Variants in JDP2 observed in about 807,000 individuals in gnomAD.
The protein encoded by JDP2 is Jun dimerization protein 2.
Under a neutral mutation model 17.1 loss-of-function variants are expected in JDP2, and 9 were observed. The ratio of observed to expected loss-of-function variants is 0.53; its 90% CI spans 0.32 to 0.92. JDP2 has a LOEUF of 0.92. Among genes scored for constraint, JDP2 ranks in the 40% least tolerant of loss-of-function variants. The pLI is 0.04. For synonymous variants in JDP2, 107 were observed against 95.6 expected, an observed-to-expected ratio of 1.12 and a Z score of -0.69; for missense variants, 179 against 220.0, an observed-to-expected ratio of 0.81 and a Z score of 1.18.
Position 75,457,523 on chromosome 14 carries a change from G to T in JDP2, c.202-3903G>T, listed in dbSNP as rs577732689. On this transcript the variant is annotated intron_variant, in intron 2 of 3. Transcript: ENST00000651602. ...TAAATAGCAGTGCGAGGATTTAGGGGTGATGCAGCACAGTTTCAATGGGGA... is the reference window on the plus strand; with the variant it reads ...TAAATAGCAGTGCGAGGATTTAGGGTTGATGCAGCACAGTTTCAATGGGGA... Among the ~76,000 whole-genome samples, 27 of 152,384 alleles carry T rather than the reference G, an allele frequency of 1.8e-4. No homozygotes were observed. The South Asian group carries it at 5.6e-3, about 32-fold the overall frequency.
intron 2 of JDP2, among the ~76,000 whole-genome samples, chr14:75,452,114 C>G (rs1005025653): frequency 6.6e-6 from 1 of 152,170 alleles, no homozygotes; most frequent in Non-Finnish European, 1.5e-5. Flanking sequence ...TTAGGGGGCA[C>G]CCTTCCTACA....
chr14:75,443,093 A>G (rs1180807134), intron 2 of JDP2, among the ~76,000 whole-genome samples: 1 of 152,028 alleles, frequency 6.6e-6, no homozygotes. Flanking sequence ...CCTGGAGAAC[A>G]TTGAGAGGGT....
intron 2 of JDP2, among the ~76,000 whole-genome samples, chr14:75,455,741 C>T (rs889405903): frequency 1.3e-5 from 2 of 152,142 alleles, no homozygotes; most frequent in African/African-American, 4.8e-5. Context: ...AGCCTCAGGC[C>T]GGAGGTGTTC....
In JDP2 at chr14:75,470,971, G is replaced by C. The variant is rs1886796469; in HGVS notation, c.*1496G>C. The C allele has an allele frequency of 6.6e-6, 1 of 152,176 alleles. No individual in the cohort carries two copies. Among genetic ancestry groups the C allele is most frequent in the Non-Finnish European group, 1.5e-5 (1 of 68,036 alleles). The allele number at this position is 152,176 out of a possible 1,614,324, so 9.4% of individuals were successfully genotyped here. ...TAGGCACGATTCTTCTCATTTTACAGATGGTTTAACTGAGGCTCAGAGAAG... is the reference window on the plus strand; with the variant it reads ...TAGGCACGATTCTTCTCATTTTACACATGGTTTAACTGAGGCTCAGAGAAG... On this transcript the variant is annotated 3_prime_UTR_variant, in exon 4 of 4. Coordinates refer to ENST00000651602, the MANE Select transcript of JDP2 (RefSeq NM_001135048.2).
intron 3 of JDP2, among the ~76,000 whole-genome samples, chr14:75,468,969 C>T (rs921547209): frequency 1.3e-5 from 2 of 152,212 alleles, no homozygotes; most frequent in Admixed American, 6.5e-5. Context: ...GGCCCTGAGG[C>T]GGCAGAGTAT....
chr14:75,449,872 A>G (rs1885772471), intron 2 of JDP2, among the ~76,000 whole-genome samples: 1 of 152,140 alleles, frequency 6.6e-6, no homozygotes, highest in African/African-American at 2.4e-5. Context: ...CCTTAGCAAA[A>G]CCGGCTGTAA....
At chr14:75,433,327 T>G (rs1466156513) in intron 1 of JDP2, among the ~76,000 whole-genome samples, 1 of 149,690 alleles carries the variant, frequency 6.7e-6, no homozygotes, top group African/African-American at 2.5e-5. Flanking sequence ...TTTACAGATT[T>G]ACACACAAAA....
intron 3 of JDP2, among the ~76,000 whole-genome samples, chr14:75,467,966 C>T (rs1050900725): frequency 6.6e-6 from 1 of 152,128 alleles, no homozygotes; most frequent in Non-Finnish European, 1.5e-5. Flanking sequence ...AGAGATGAGC[C>T]AAGGAACAGT....
At position 75,472,111 on chromosome 14, in the gene JDP2, A is replaced by G. The variant is rs1886826658; in HGVS notation, c.*2636A>G. 1 of 152,262 alleles carries G rather than the reference A, an allele frequency of 6.6e-6. No homozygotes were observed. The highest frequency in any genetic ancestry group is 2.1e-4 in the South Asian group (1 of 4,838). 9.4% of individuals were successfully genotyped at this position (152,262 alleles called of 1,614,324 possible). On this transcript the variant is annotated 3_prime_UTR_variant, in exon 4 of 4. Transcript: ENST00000651602. ...AGGACCACTGGCTGCTCCTGTGGCTAGAAGTCACAATTATAGGCTTCATTG... is the reference window on the plus strand; with the variant it reads ...AGGACCACTGGCTGCTCCTGTGGCTGGAAGTCACAATTATAGGCTTCATTG...
chr14:75,448,581 G>A (rs1285822949), intron 2 of JDP2, among the ~76,000 whole-genome samples: 1 of 152,254 alleles, frequency 6.6e-6, no homozygotes, highest in East Asian at 1.9e-4. Flanking sequence ...CCCCGAATCT[G>A]TGTAAGGCAG....
At chr14:75,450,938 T>C (rs1392133889) in intron 2 of JDP2, among the ~76,000 whole-genome samples, 2 of 152,182 alleles carry the variant, frequency 1.3e-5, no homozygotes, top group Non-Finnish European at 2.9e-5. Flanking sequence ...CAGGGAGGGC[T>C]TCCAGTGGGA....
intron 3 of JDP2, among the ~76,000 whole-genome samples, chr14:75,465,481 G>A (rs1188475092): frequency 1.3e-5 from 2 of 152,002 alleles, no homozygotes; most frequent in African/African-American, 4.8e-5. Flanking sequence ...ACAAGCACAC[G>A]ACCATGCCTG....
intron 2 of JDP2, among the ~76,000 whole-genome samples, chr14:75,453,671 A>G (rs905886447): frequency 2.6e-5 from 4 of 152,222 alleles, no homozygotes; most frequent in Admixed American, 6.5e-5. Context: ...AGAGAGGCCA[A>G]GTAACTTGCC....
rs370962761 is a variant in JDP2, at chr14:75,429,419, T to C, written c.-24+1167T>C. Among the ~76,000 whole-genome samples, 4 of 152,098 alleles carry C rather than the reference T, an allele frequency of 2.6e-5. No individual in the cohort carries two copies. In the East Asian group the frequency reaches 7.7e-4, roughly 29 times the overall value. ...TGGTGGTCTCTCCCTAGGGTCTTAA[T>C]TGGAGGAGCATCAGGAATTGGGAAG... On this transcript the variant is annotated intron_variant, in intron 1 of 3. Transcript: ENST00000651602.
At position 75,469,110 on chromosome 14, in the gene JDP2, G is replaced by A. The variant is rs1886696319; in HGVS notation, c.307-180G>A. ...CATGACACAGGCCAGTGTCACCGCTGTGGCAGGCACTGCCTGCAGAAAGTC... is the reference window on the plus strand; with the variant it reads ...CATGACACAGGCCAGTGTCACCGCTATGGCAGGCACTGCCTGCAGAAAGTC... On this transcript the variant is annotated intron_variant, in intron 3 of 3. Coordinates refer to ENST00000651602, the MANE Select transcript of JDP2 (RefSeq NM_001135048.2). 2.0e-5 allele frequency among the ~76,000 whole-genome samples: 3 copies of A among 152,234 alleles called. No homozygotes were observed. In the South Asian group the frequency reaches 6.2e-4, roughly 32 times the overall value.
At chr14:75,457,834 A>G (rs975511784) in intron 2 of JDP2, among the ~76,000 whole-genome samples, 1 of 152,230 alleles carries the variant, frequency 6.6e-6, no homozygotes, top group Non-Finnish European at 1.5e-5. Context: ...CTGGCCTACT[A>G]CAAACAGAGA....
Position 75,442,413 on chromosome 14 carries a change from G to A in JDP2, c.201+4292G>A, listed in dbSNP as rs190254132. 2.0e-4 allele frequency among the ~76,000 whole-genome samples: 31 copies of A among 152,210 alleles called. No homozygotes were observed. The East Asian group carries it at 3.3e-3, about 16-fold the overall frequency. ...ACCGCATTCCCCACTACTCACTGATGTCTTACCCCCAGCCCGCTTCATACC... is the reference window on the plus strand; with the variant it reads ...ACCGCATTCCCCACTACTCACTGATATCTTACCCCCAGCCCGCTTCATACC... On this transcript the variant is annotated intron_variant, in intron 2 of 3. Coordinates refer to ENST00000651602, the MANE Select transcript of JDP2 (RefSeq NM_001135048.2).
intron 2 of JDP2, among the ~76,000 whole-genome samples, chr14:75,440,849 T>C (rs991182020): frequency 1.3e-5 from 2 of 152,222 alleles, no homozygotes; most frequent in Non-Finnish European, 2.9e-5. Context: ...GCTGTTGTTA[T>C]ACCCACATTA....
At chr14:75,464,457 T>C (rs1954657939) in intron 3 of JDP2, among the ~76,000 whole-genome samples, 1 of 152,212 alleles carries the variant, frequency 6.6e-6, no homozygotes, top group African/African-American at 2.4e-5. Flanking sequence ...TAGCAGCTAT[T>C]TACATAGCAT....
Sources: gnomAD v4.1 joint callset for allele counts (sites outside exome capture counted in the v4.1 genomes callset) on GRCh38, gnomAD v4.1.1 for gene constraint, MANE v1.5 for transcripts, NCBI Gene and HGNC (gene_info 2026-07-23, HGNC 2026-07-21) for gene names.